Variants in ACACA observed in about 807,000 individuals in gnomAD.
ACACA encodes the protein acetyl-CoA carboxylase alpha.
A neutral mutation model predicts 296.1 loss-of-function variants in ACACA; 103 were observed. The ratio of observed to expected loss-of-function variants is 0.35; its 90% CI spans 0.30 to 0.41. The LOEUF (loss-of-function observed/expected upper bound fraction) is 0.41. Ranked by LOEUF, ACACA falls within the 10% of genes least tolerant of loss-of-function variation. The pLI, the probability that ACACA is intolerant of heterozygous loss-of-function variation, is 1.00. For synonymous variants in ACACA, 953 were observed against 1,038.6 expected (o/e 0.92, Z 1.58); for missense variants, 1,554 against 2,989.7 (o/e 0.52, Z 11.20).
chr17:37,207,651 T>C lies in ACACA; in HGVS notation c.3851+6A>G. On this transcript the variant is annotated splice_donor_region_variant and intron_variant, in intron 31 of 55. Coordinates refer to ENST00000616317, the MANE Select transcript of ACACA (RefSeq NM_198834.3). Reference sequence around the variant, plus strand: ...CTTGTACAGACATAGTTCCACAATGTCTTACCTGACAAAATCTTCAAAAGT... The same window carrying C: ...CTTGTACAGACATAGTTCCACAATGCCTTACCTGACAAAATCTTCAAAAGT... 1 of 1,613,846 alleles carries C rather than the reference T, an allele frequency of 6.2e-7. No individual in the cohort carries two copies. Among genetic ancestry groups the C allele is most frequent in the Non-Finnish European group, 8.5e-7 (1 of 1,179,830 alleles).
intron 1 of ACACA, among the ~76,000 whole-genome samples, chr17:37,389,041 A>G (rs1352268322): frequency 6.6e-6 from 1 of 152,200 alleles, no homozygotes; most frequent in African/African-American, 2.4e-5. Flanking sequence ...TTCTGTGTGA[A>G]AGGCACCTGG....
intron 55 of ACACA, among the ~76,000 whole-genome samples, chr17:37,088,319 C>T (rs2072363500): frequency 6.6e-6 from 1 of 151,952 alleles, no homozygotes; most frequent in Non-Finnish European, 1.5e-5. Flanking sequence ...TATGTAACAC[C>T]CTTAAGTAGT....
At chr17:37,138,801 A>G (rs570896558) in intron 45 of ACACA, among the ~76,000 whole-genome samples, 1 of 152,272 alleles carries the variant, frequency 6.6e-6, no homozygotes, top group South Asian at 2.1e-4. Flanking sequence ...TTCATGATAC[A>G]CTATTGCATG....
chr17:37,277,206 G>T, intron 6 of ACACA, 92 bp from the exon 7 acceptor site: 1 of 1,141,292 alleles, frequency 8.8e-7, no homozygotes, highest in Non-Finnish European at 1.3e-6. Flanking sequence ...CCTGTTTCTT[G>T]AGGTACAGTA....
At chr17:37,112,277 A>C (rs1054271839) in intron 51 of ACACA, among the ~76,000 whole-genome samples, 3 of 152,166 alleles carry the variant, frequency 2.0e-5, no homozygotes, top group African/African-American at 7.2e-5. Context: ...TTTAAAAAAA[A>C]ACCCACAGCT....
intron 25 of ACACA, among the ~76,000 whole-genome samples, chr17:37,232,530 C>T (rs879315045): frequency 4.0e-5 from 6 of 151,612 alleles, no homozygotes; most frequent in African/African-American, 7.3e-5. Context: ...AACAGCTAAG[C>T]GTTGTCAAAG....
chr17:37,113,973 A>C lies in ACACA; in HGVS notation c.6275-708T>G, dbSNP rs1284494281. On this transcript the variant is annotated intron_variant, in intron 50 of 55. Transcript: ENST00000616317. The surrounding 1 kb of genome is among the most constrained non-coding windows in gnomAD (Gnocchi z 4.0). ...AATACTTAGGAAATACCACACAGCC[A>C]CATGAGAAGAACAGACCCAACCAGG... Among the ~76,000 whole-genome samples, 1 of 152,204 alleles carries C rather than the reference A, an allele frequency of 6.6e-6. No individual in the cohort carries two copies. Among genetic ancestry groups the C allele is most frequent in the East Asian group, 1.9e-4 (1 of 5,198 alleles).
At chr17:37,352,422 G>C (rs1243937578) in intron 1 of ACACA, among the ~76,000 whole-genome samples, 1 of 152,086 alleles carries the variant, frequency 6.6e-6, no homozygotes, top group Non-Finnish European at 1.5e-5. Flanking sequence ...GAGAAAACCA[G>C]AGTCTCAAGG....
At chr17:37,214,348 C>T (rs181142383) in intron 29 of ACACA, among the ~76,000 whole-genome samples, 1 of 152,320 alleles carries the variant, frequency 6.6e-6, no homozygotes, top group East Asian at 1.9e-4. Context: ...CTTTAGTTTA[C>T]AATAAAATGA....
intron 35 of ACACA, 73 bp downstream of exon 35, chr17:37,200,066 T>TA (rs1201860950): frequency 9.1e-7 from 1 of 1,099,436 alleles, no homozygotes; most frequent in Non-Finnish European, 1.4e-6. Context: ...TTCTAACATA[T>TA]ATTCTGGTTA....
At chr17:37,386,206 C>T in intron 1 of ACACA, 2 of 854,968 alleles carry the variant, frequency 2.3e-6, no homozygotes, top group Non-Finnish European at 3.6e-6. Flanking sequence ...TTTTTAGCCC[C>T]AGCGTTAGTC....
At chr17:37,342,458 T>TATATATATAC (rs1369014067) in intron 1 of ACACA, among the ~76,000 whole-genome samples, 5 of 98,402 alleles carry the variant, frequency 5.1e-5, no homozygotes, top group African/African-American at 1.4e-4. Flanking sequence ...TATATATATA[T>TATATATATAC]ACACACACAC....
In ACACA at chr17:37,190,396, T is replaced by C. The variant is rs116267968; in HGVS notation, c.4572+724A>G. ...AATGAGCTGAGATGGTGCCACTGCTTCAGCCTGGGCAACAGAGCGAGACTC... is the reference window on the plus strand; with the variant it reads ...AATGAGCTGAGATGGTGCCACTGCTCCAGCCTGGGCAACAGAGCGAGACTC... On this transcript the variant is annotated intron_variant, in intron 38 of 55. Transcript: ENST00000616317. Among the ~76,000 whole-genome samples the C allele has an allele frequency of 9.8e-3, 1,473 of 150,936 alleles. 22 individuals carry two copies. Among genetic ancestry groups the C allele is most frequent in the African/African-American group, 0.034 (1,401 of 41,050 alleles).
At chr17:37,296,063 T>G (rs1403138001) in intron 3 of ACACA, among the ~76,000 whole-genome samples, 1 of 152,180 alleles carries the variant, frequency 6.6e-6, no homozygotes, top group Non-Finnish European at 1.5e-5. Flanking sequence ...CCTCTAGAGA[T>G]TTCCATTGTT....
chr17:37,199,861 TTGATA>T (rs1403887866), intron 35 of ACACA, among the ~76,000 whole-genome samples: 2 of 151,844 alleles, frequency 1.3e-5, no homozygotes, highest in African/African-American at 4.8e-5. Context: ...GCTGGAACAC[TTGATA>T]TAAGAATTAA....
chr17:37,239,122 T>A (rs1377476947), intron 24 of ACACA, among the ~76,000 whole-genome samples: 2 of 152,110 alleles, frequency 1.3e-5, no homozygotes, highest in Non-Finnish European at 2.9e-5. Flanking sequence ...AGCCACTACA[T>A]CTAGCCTGCT....
intron 1 of ACACA, chr17:37,391,562 G>C (rs2050887121): frequency 8.2e-7 from 1 of 1,218,450 alleles, no homozygotes; most frequent in Non-Finnish European, 1.2e-6. Flanking sequence ...ATGGGGTTTT[G>C]TACTTAGCCA....
At chr17:37,149,803 A>G (rs2075963930) in intron 45 of ACACA, 61 bp downstream of exon 45, 1 of 1,436,512 alleles carries the variant, frequency 7.0e-7, no homozygotes, top group Admixed American at 1.7e-5. Context: ...TCTTGAATTA[A>G]GAATTCACAC....
chr17:37,085,411 G>A lies in ACACA; in HGVS notation c.*1905C>T. 2.5e-6 allele frequency: 1 copy of A among 393,462 alleles called. No homozygotes were observed. Among genetic ancestry groups the A allele is most frequent in the Non-Finnish European group, 4.5e-6 (1 of 223,286 alleles). The allele number at this position is 393,462 out of a possible 1,614,324, so 24.4% of individuals were successfully genotyped here. On this transcript the variant is annotated 3_prime_UTR_variant, in exon 56 of 56. Coordinates refer to ENST00000616317, the MANE Select transcript of ACACA (RefSeq NM_198834.3). ...TAACCCACCCTGCCTCTGAAGACATGCCTGGACAGGCCTCCTGGGGGGTGC... is the reference window on the plus strand; with the variant it reads ...TAACCCACCCTGCCTCTGAAGACATACCTGGACAGGCCTCCTGGGGGGTGC...
Sources: gnomAD v4.1 joint callset for allele counts (sites outside exome capture counted in the v4.1 genomes callset) on GRCh38, gnomAD v4.1.1 for gene constraint, Gnocchi (gnomAD v3.1) non-coding constraint, MANE v1.5 for transcripts, NCBI Gene and HGNC (gene_info 2026-07-23, HGNC 2026-07-21) for gene names.